The following ARHGEF9 variants were observed in gnomAD, a reference collection of about 807,000 sequenced individuals.
ARHGEF9 encodes rho guanine nucleotide exchange factor 9.
ARHGEF9 carries 2 observed loss-of-function variants against 41.3 expected under a neutral mutation model. The ratio of observed to expected loss-of-function variants is 0.05; its 90% confidence interval spans 0.02 to 0.15. The LOEUF (loss-of-function observed/expected upper bound fraction) is 0.15. Among genes scored for constraint, ARHGEF9 ranks in the 10% least tolerant of loss-of-function variants. The probability of loss-of-function intolerance (pLI) is 1.00; values close to 1 mark genes in which losing one functional copy is unlikely to be tolerated. For missense variants in ARHGEF9, 225 were observed against 424.7 expected, an observed-to-expected ratio of 0.53 and a Z score of 4.13; for synonymous variants, 160 against 154.4, an observed-to-expected ratio of 1.04 and a Z score of -0.27.
intron 8 of ARHGEF9, among the ~76,000 whole-genome samples, chrX:63,645,025 T>A (rs1475641385): frequency 1.8e-5 from 2 of 109,839 alleles, no homozygotes; most frequent in Admixed American, 9.8e-5. Flanking sequence ...TCCTCCCACC[T>A]CAGCCTCCCA....
chrX:63,644,963 C>A (rs781962835), intron 8 of ARHGEF9, among the ~76,000 whole-genome samples: 2 of 108,522 alleles, frequency 1.8e-5, no homozygotes, highest in East Asian at 5.8e-4. Flanking sequence ...TTTGTAGACA[C>A]GAGGTCTCCC....
chrX:63,706,988 C>T (rs1556402791), intron 2 of ARHGEF9, among the ~76,000 whole-genome samples: 1 of 112,231 alleles, frequency 8.9e-6, no homozygotes, highest in Non-Finnish European at 1.9e-5. Context: ...CTAGCAATAG[C>T]TATTAATTGG....
At chrX:63,646,616 T>C (rs1307193408) in intron 8 of ARHGEF9, among the ~76,000 whole-genome samples, 1 of 112,231 alleles carries the variant, frequency 8.9e-6, no homozygotes, top group Non-Finnish European at 1.9e-5. Context: ...ACTATCATGC[T>C]GTTTTGGTTA....
chrX:63,684,691 GCCTATATTTTAATAAATTA>G (rs2050870810), intron 4 of ARHGEF9, among the ~76,000 whole-genome samples: 1 of 109,699 alleles, frequency 9.1e-6, no homozygotes, highest in African/African-American at 3.3e-5. Flanking sequence ...GTAATATGTT[GCCTATATTTTAATAAATTA>G]CCTCTATTTT....
intron 1 of ARHGEF9, among the ~76,000 whole-genome samples, chrX:63,762,010 G>T (rs1184696466): frequency 9.0e-6 from 1 of 111,442 alleles, no homozygotes. Context: ...GATCTTTCTG[G>T]GGTAGCTAAA....
At chrX:63,749,469 G>C (rs2055478639) in intron 1 of ARHGEF9, among the ~76,000 whole-genome samples, 1 of 111,821 alleles carries the variant, frequency 8.9e-6, no homozygotes, top group African/African-American at 3.3e-5. Flanking sequence ...GACCTCAGGT[G>C]ATCCACCGGC....
rs2051346797 is a variant in ARHGEF9 at position 63,691,494 on chromosome X, AGGGAAAGATATCCCATATTGATGGAT to A, written c.582+5605_582+5630del. Reference sequence around the variant, plus strand: ...AAAAAATTGACAACTACACACAAAAAGGGAAAGATATCCCATATTGATGGATGGGAAGAATTAATATTGTTAAAATG... The same window carrying A: ...AAAAAATTGACAACTACACACAAAAAGGGAAGAATTAATATTGTTAAAATG... On this transcript the variant is annotated intron_variant, in intron 4 of 9. Transcript: ENST00000671741. Among the ~76,000 whole-genome samples the A allele has an allele frequency of 1.4e-4, 16 of 111,791 alleles. No individual in the cohort carries two copies. The South Asian group carries it at 5.7e-3, about 40-fold the overall frequency.
chrX:63,637,889 T>C lies in ARHGEF9; in HGVS notation c.*139A>G, dbSNP rs1402838459. On this transcript the variant is annotated 3_prime_UTR_variant, in exon 10 of 10. Coordinates refer to ENST00000671741, the MANE Select transcript of ARHGEF9 (RefSeq NM_001353921.2). Reference sequence around the variant, plus strand: ...GTGTGTGTGTGTGTGTGTCTGTGTGTGTGTGTGTGTATGTGTACTCAAGGG... The same window carrying C: ...GTGTGTGTGTGTGTGTGTCTGTGTGCGTGTGTGTGTATGTGTACTCAAGGG... The C allele has an allele frequency of 9.0e-6, 4 of 443,549 alleles. No homozygotes were observed. The highest frequency in any genetic ancestry group is 3.9e-5 in the South Asian group (1 of 25,879). 36.6% of individuals were successfully genotyped at this position (443,549 alleles called of 1,213,427 possible).
intron 1 of ARHGEF9, chrX:63,755,887 T>G: frequency 1.3e-6 from 1 of 751,856 alleles, no homozygotes; most frequent in Non-Finnish European, 1.6e-6. Context: ...ACAGTTAGCT[T>G]GCAATTTTCC....
chrX:63,690,202 GA>G, intron 4 of ARHGEF9, among the ~76,000 whole-genome samples: 1 of 110,574 alleles, frequency 9.0e-6, no homozygotes, highest in Non-Finnish European at 1.9e-5. Flanking sequence ...TCAATGAAAT[GA>G]AAAGTTGTTT....
chrX:63,741,384 C>T (rs781910640), intron 1 of ARHGEF9, among the ~76,000 whole-genome samples: 3 of 112,507 alleles, frequency 2.7e-5, no homozygotes, highest in Non-Finnish European at 5.6e-5. Context: ...AAAGGAGAGC[C>T]AGAGCAAACT....
At chrX:63,708,265 C>G (rs1195471619) in intron 2 of ARHGEF9, among the ~76,000 whole-genome samples, 2 of 112,214 alleles carry the variant, frequency 1.8e-5, no homozygotes, top group Non-Finnish European at 3.8e-5. Flanking sequence ...GCAAGCTAAA[C>G]TCTGCTATGG....
chrX:63,678,322 A>G lies in ARHGEF9; in HGVS notation c.815+18T>C, dbSNP rs1556365029. The G allele has an allele frequency of 5.1e-6, 6 of 1,165,945 alleles. No homozygotes were observed. In the Middle Eastern group the frequency reaches 9.4e-4, roughly 182 times the overall value. ...GAGGAAGTTCCCTCATTCACTCCTG[A>G]CTCCCTCGATCCCTTACCTGTGGTC... On this transcript the variant is annotated intron_variant, in intron 5 of 9. Transcript: ENST00000671741.
At position 63,776,926 on chromosome X, in the gene ARHGEF9, A is replaced by G. The variant is rs77701420; in HGVS notation, c.30+8190T>C. On this transcript the variant is annotated intron_variant, in intron 1 of 9. Coordinates refer to ENST00000671741, the MANE Select transcript of ARHGEF9 (RefSeq NM_001353921.2). ...ATCACCAACTGCCTATTAGATATCTACAATGTAAGATTGTCCAAGCATCTG... is the reference window on the plus strand; with the variant it reads ...ATCACCAACTGCCTATTAGATATCTGCAATGTAAGATTGTCCAAGCATCTG... 2.4e-3 allele frequency among the ~76,000 whole-genome samples: 264 copies of G among 111,524 alleles called. 2 individuals carry two copies. The highest frequency in any genetic ancestry group is 4.0e-3 in the Non-Finnish European group (213 of 53,112).
intron 8 of ARHGEF9, among the ~76,000 whole-genome samples, chrX:63,649,694 A>C (rs782477890): frequency 8.9e-6 from 1 of 111,769 alleles, no homozygotes; most frequent in East Asian, 2.8e-4. Flanking sequence ...GACCACTAGC[A>C]AGACTAATAA....
chrX:63,650,062 C>A (rs782446205), intron 8 of ARHGEF9, among the ~76,000 whole-genome samples: 61 of 111,359 alleles, frequency 5.5e-4, no homozygotes, highest in African/African-American at 1.8e-3. Flanking sequence ...ACCAAAAACA[C>A]GTTCTTTGAA....
At chrX:63,784,999 T>TAGGGCGGTGGGCAGAGGCC (rs2056439121) in intron 1 of ARHGEF9, 117 bp downstream of exon 1, 7 of 924,727 alleles carry the variant, frequency 7.6e-6, no homozygotes, top group African/African-American at 1.9e-5. Context: ...GGACGGCGGC[T>TAGGGCGGTGGGCAGAGGCC]AGGGCGGTGG....
chrX:63,742,476 G>A (rs1347862218), intron 1 of ARHGEF9, among the ~76,000 whole-genome samples: 1 of 111,559 alleles, frequency 9.0e-6, no homozygotes, highest in Non-Finnish European at 1.9e-5. Context: ...CTAACCCTCA[G>A]CAAGCTATTG....
At position 63,635,505 on chromosome X, in the gene ARHGEF9, T is replaced by C. The variant is rs1285052516; in HGVS notation, c.*2523A>G. 5.3e-5 allele frequency: 26 copies of C among 494,441 alleles called. No homozygotes were observed. The highest frequency in any genetic ancestry group is 6.5e-4 in the Middle Eastern group (2 of 3,081). 40.7% of individuals were successfully genotyped at this position (494,441 alleles called of 1,213,427 possible). On this transcript the variant is annotated 3_prime_UTR_variant, in exon 10 of 10. Coordinates refer to ENST00000671741, the MANE Select transcript of ARHGEF9 (RefSeq NM_001353921.2). ...TAGGATACTGAACCCAGGTATTTAA[T>C]TGGGCTCCCCTTGGGGCTGTTGGCC...
Sources: gnomAD v4.1 joint callset for allele counts (sites outside exome capture counted in the v4.1 genomes callset) on GRCh38, gnomAD v4.1.1 for gene constraint, MANE v1.5 for transcripts, NCBI Gene and HGNC (gene_info 2026-07-23, HGNC 2026-07-21) for gene names.